Variants in KNG1 observed in about 807,000 individuals in gnomAD.
KNG1 encodes kininogen-1.
KNG1 carries 23 observed loss-of-function variants against 47.8 expected under a neutral mutation model. The ratio of observed to expected loss-of-function variants is 0.48; its 90% CI spans 0.35 to 0.68. The LOEUF (loss-of-function observed/expected upper bound fraction) is 0.68, where lower values mean the gene tolerates loss of function less well. KNG1 is among the 30% of genes least tolerant of loss of function. The pLI, the probability that KNG1 is intolerant of heterozygous loss-of-function variation, is 0.01. For missense variants in KNG1, 762 were observed against 790.2 expected (o/e 0.96, Z 0.43); for synonymous variants, 277 against 277.0 (o/e 1.00, Z 0.00).
chr3:186,736,457 T>C (rs764337143), intron 7 of KNG1: 2 of 152,228 alleles, frequency 1.3e-5, no homozygotes, highest in South Asian at 2.1e-4. Flanking sequence ...TGGGTTCATA[T>C]TTCAGATATG....
chr3:186,729,457 AT>A (rs1720453412), intron 5 of KNG1, among the ~76,000 whole-genome samples: 1 of 152,240 alleles, frequency 6.6e-6, no homozygotes, highest in Non-Finnish European at 1.5e-5. Flanking sequence ...GATAAACAAA[AT>A]GTGCTATTAT....
In KNG1 at chr3:186,732,810, A is replaced by C. The variant is rs75465939; in HGVS notation, c.930+136A>C. 3 of 751,224 alleles carry C rather than the reference A, an allele frequency of 4.0e-6. No homozygotes were observed. In the East Asian group the frequency reaches 7.6e-5, roughly 19 times the overall value. The allele number at this position is 751,224 out of a possible 1,614,324, so 46.5% of individuals were successfully genotyped here. ...TGATTTGGTGCATTAGATTTGGTAAATTAAGTGCCAATCTCCCTGTATGCT... is the reference window on the plus strand; with the variant it reads ...TGATTTGGTGCATTAGATTTGGTAACTTAAGTGCCAATCTCCCTGTATGCT... On this transcript the variant is annotated intron_variant, in intron 7 of 9. Coordinates refer to ENST00000644859, the MANE Select transcript of KNG1 (RefSeq NM_001102416.3).
chr3:186,728,418 TTAAG>T (rs1225758044), intron 5 of KNG1: 5 of 152,126 alleles, frequency 3.3e-5, no homozygotes, highest in African/African-American at 1.2e-4. Flanking sequence ...TACAGAATGG[TTAAG>T]TAAATTACAG....
chr3:186,742,377 A>G lies in KNG1; in HGVS notation c.*46A>G, dbSNP rs1720840312. The G allele has an allele frequency of 1.1e-5, 17 of 1,608,312 alleles. No individual in the cohort carries two copies. Among genetic ancestry groups the G allele is most frequent in the Admixed American group, 1.7e-5 (1 of 59,950 alleles). Reference sequence around the variant, plus strand: ...TCTTTCATACTTTATTAAAGTATCAATATCCCTCTCTCCATTGTCCAGATG... The same window carrying G: ...TCTTTCATACTTTATTAAAGTATCAGTATCCCTCTCTCCATTGTCCAGATG... On this transcript the variant is annotated 3_prime_UTR_variant, in exon 10 of 10. Coordinates refer to ENST00000644859, the MANE Select transcript of KNG1 (RefSeq NM_001102416.3).
chr3:186,731,451 G>T, intron 5 of KNG1, 94 bp from the exon 6 acceptor site: 1 of 755,936 alleles, frequency 1.3e-6, no homozygotes, highest in Non-Finnish European at 2.4e-6. Context: ...GATTTGGAAA[G>T]TACACGTCCT....
At chr3:186,738,664 T>C (rs1720726126) in intron 7 of KNG1, 1 of 187,712 alleles carries the variant, frequency 5.3e-6, no homozygotes, top group African/African-American at 2.4e-5. Context: ...CTGACCAACA[T>C]GGAGAAACCC....
At chr3:186,733,892 C>T (rs1214153095) in intron 7 of KNG1, among the ~76,000 whole-genome samples, 1 of 151,950 alleles carries the variant, frequency 6.6e-6, no homozygotes, top group Non-Finnish European at 1.5e-5. Flanking sequence ...CACTTGAACC[C>T]GGGAGGCGGA....
intron 4 of KNG1, among the ~76,000 whole-genome samples, chr3:186,726,279 T>C (rs1227541836): frequency 1.1e-5 from 1 of 91,368 alleles, no homozygotes; most frequent in Non-Finnish European, 2.4e-5. Flanking sequence ...TTCTTCTTTT[T>C]TTTTTTTTTT....
rs1720844853 is a variant in KNG1 at position 186,742,565 on chromosome 3, C to T, written c.*234C>T. On this transcript the variant is annotated 3_prime_UTR_variant, in exon 10 of 10. Transcript: ENST00000644859. ...GAATCTTCTTCCCAAGTTTTCTAAA[C>T]TAGCACAGTAAACAGACAAACTAAT... is the stretch of plus-strand genomic sequence containing the variant. The T allele has an allele frequency of 7.3e-7, 1 of 1,369,040 alleles. No homozygotes were observed. The highest frequency in any genetic ancestry group is 9.4e-7 in the Non-Finnish European group (1 of 1,062,074). The allele number at this position is 1,369,040 out of a possible 1,614,324, so 84.8% of individuals were successfully genotyped here.
chr3:186,735,540 C>T (rs1054294945), intron 7 of KNG1, among the ~76,000 whole-genome samples: 3 of 151,978 alleles, frequency 2.0e-5, no homozygotes, highest in Non-Finnish European at 2.9e-5. Context: ...ATCACTTAAA[C>T]TCGGGAGGCG....
At chr3:186,729,985 C>G (rs559620670) in intron 5 of KNG1, among the ~76,000 whole-genome samples, 24 of 152,140 alleles carry the variant, frequency 1.6e-4, no homozygotes, top group Admixed American at 5.2e-4. Flanking sequence ...TCTTTTTTCC[C>G]CTCACTTCTG....
At position 186,727,323 on chromosome 3, in the gene KNG1, C is replaced by A; in HGVS notation, c.651C>A (p.Asp217Glu). ...AGAATTTTCTGTTCTTAACTCCAGACTGCAAGTCCCTTTGGAATGGTGTAA... is the reference window on the plus strand; with the variant it reads ...AGAATTTTCTGTTCTTAACTCCAGAATGCAAGTCCCTTTGGAATGGTGTAA... ...SKENFLFLTP[D>E]CKSLWNGDTG... Residue 217 changes from aspartate to glutamate, a missense_variant, in exon 5 of 10, where the codon GAC (aspartate) becomes GAA (glutamate). Asp to Glu is a conservative substitution (Grantham distance 45). Transcript: ENST00000644859. The A allele has an allele frequency of 6.2e-7, 1 of 1,611,142 alleles. No homozygotes were observed. The highest frequency in any genetic ancestry group is 1.3e-5 in the African/African-American group (1 of 74,980).
chr3:186,730,884 T>A (rs1469450795), intron 5 of KNG1, among the ~76,000 whole-genome samples: 1 of 151,798 alleles, frequency 6.6e-6, no homozygotes, highest in African/African-American at 2.4e-5. Context: ...TCAAATCTTC[T>A]ATGTTCTTGT....
chr3:186,742,432 C>A lies in KNG1; in HGVS notation c.*101C>A. 1 of 1,560,534 alleles carries A rather than the reference C, an allele frequency of 6.4e-7. No individual in the cohort carries two copies. The highest frequency in any genetic ancestry group is 8.6e-7 in the Non-Finnish European group (1 of 1,160,334). On this transcript the variant is annotated 3_prime_UTR_variant, in exon 10 of 10. Coordinates refer to ENST00000644859, the MANE Select transcript of KNG1 (RefSeq NM_001102416.3). ...TATCCTGATATAATGCACCAAAAAC[C>A]ATGCAGCTTCGGAACAGTCTAAAGA...
In KNG1 at chr3:186,741,958, CAG is replaced by C. The variant is rs1274969907; in HGVS notation, c.1565_1566del (p.Glu522AlafsTer7). Reference sequence around the variant, plus strand: ...AATGGAAAGCACAATGGTTGGAAAACAGAGCATTTGGCAAGCTCTTCTGAAGA... The same window carrying C: ...AATGGAAAGCACAATGGTTGGAAAACAGCATTTGGCAAGCTCTTCTGAAGA... On this transcript the variant is annotated frameshift_variant, in exon 10 of 10. Transcript: ENST00000644859. LOFTEE classifies it low-confidence loss of function (END_TRUNC). 3.1e-6 allele frequency: 5 copies of C among 1,614,112 alleles called. No homozygotes were observed. Among genetic ancestry groups the C allele is most frequent in the Middle Eastern group, 1.6e-4 (1 of 6,084 alleles).
intron 9 of KNG1, 25 bp from the exon 10 acceptor site, chr3:186,741,497 A>G: frequency 1.3e-6 from 2 of 1,598,482 alleles, no homozygotes; most frequent in East Asian, 2.2e-5. Flanking sequence ...GCAGTAATAC[A>G]TTCATCTTAA....
chr3:186,717,502 G>T lies in KNG1; in HGVS notation c.-41G>T. On this transcript the variant is annotated 5_prime_UTR_variant, in exon 1 of 10. Coordinates refer to ENST00000644859, the MANE Select transcript of KNG1 (RefSeq NM_001102416.3). ...TATCCCAGTTGGCTCTTGATTCTTG[G>T]TGAAACCATCCCTCAGCTCCTAGAG... is the stretch of plus-strand genomic sequence containing the variant. 6.8e-7 allele frequency: 1 copy of T among 1,476,156 alleles called. No individual in the cohort carries two copies. Among genetic ancestry groups the T allele is most frequent in the Non-Finnish European group, 9.5e-7 (1 of 1,056,390 alleles). 91.4% of individuals were successfully genotyped at this position (1,476,156 alleles called of 1,614,324 possible). A position where few individuals can be genotyped will look rare whatever the true frequency, so the allele number is the denominator to read the frequency against.
At chr3:186,717,866 C>CCAT in intron 1 of KNG1, 129 bp downstream of exon 1, 1 of 288,604 alleles carries the variant, frequency 3.5e-6, no homozygotes, top group Non-Finnish European at 6.0e-6. Context: ...ACCACCATCA[C>CCAT]CCACCACCAC....
rs201054107 is a variant in KNG1, at chr3:186,730,745, T to C, written c.673-800T>C. Reference sequence around the variant, plus strand: ...ACACACACACATATATATATACACATATATATATACACATATATATATACA... The same window carrying C: ...ACACACACACATATATATATACACACATATATATACACATATATATATACA... On this transcript the variant is annotated intron_variant, in intron 5 of 9. Transcript: ENST00000644859. 2.1e-3 allele frequency among the ~76,000 whole-genome samples: 237 copies of C among 111,966 alleles called. 2 individuals carry two copies. The highest frequency in any genetic ancestry group is 6.1e-3 in the African/African-American group (211 of 34,478). The allele number at this position is 111,966 out of a possible 152,430, so 73.5% of individuals were successfully genotyped here. A position where few individuals can be genotyped will look rare whatever the true frequency, so the allele number is the denominator to read the frequency against.
Sources: allele counts gnomAD v4.1 joint callset (sites outside exome capture counted in the v4.1 genomes callset), GRCh38; gene constraint gnomAD v4.1.1; transcripts MANE v1.5; gene names NCBI Gene and HGNC (gene_info 2026-07-23, HGNC 2026-07-21).